OR51B5: variants seen among roughly 807,000 people sequenced by gnomAD.
OR51B5 encodes olfactory receptor family 51 subfamily B member 5.
For missense variants in OR51B5, 456 were observed against 374.6 expected (o/e 1.22, Z -1.79); for synonymous variants, 186 against 144.8 (o/e 1.28, Z -2.04).
intron 1 of OR51B5, among the ~76,000 whole-genome samples, chr11:5,450,446 A>G (rs1289901417): frequency 6.6e-6 from 1 of 152,220 alleles, no homozygotes; most frequent in African/African-American, 2.4e-5. Context: ...GTCTAAAAAA[A>G]GAAATAGATA....
At chr11:5,427,875 G>A (rs563088723) in intron 1 of OR51B5, among the ~76,000 whole-genome samples, 1 of 152,164 alleles carries the variant, frequency 6.6e-6, no homozygotes, top group African/African-American at 2.4e-5. Flanking sequence ...AAAGAATTAT[G>A]ATATGGTGAA....
chr11:5,409,678 T>C (rs1201411692), intron 1 of OR51B5, among the ~76,000 whole-genome samples: 1 of 152,164 alleles, frequency 6.6e-6, no homozygotes, highest in East Asian at 1.9e-4. Context: ...ATGTAGGACA[T>C]ATTTTAAAAA....
At chr11:5,440,811 T>C (rs1850671196) in intron 1 of OR51B5, 2 of 1,613,798 alleles carry the variant, frequency 1.2e-6, no homozygotes, top group East Asian at 2.2e-5. Context: ...CTTGAGCCGC[T>C]GTTCCTGGGA....
chr11:5,459,159 T>A (rs1851008427), intron 1 of OR51B5, among the ~76,000 whole-genome samples: 1 of 152,248 alleles, frequency 6.6e-6, no homozygotes, highest in African/African-American at 2.4e-5. Flanking sequence ...GTTTTTAGTA[T>A]AAAAGGATGC....
chr11:5,462,235 G>A (rs1179770863), intron 1 of OR51B5, among the ~76,000 whole-genome samples: 1 of 152,220 alleles, frequency 6.6e-6, no homozygotes, highest in Non-Finnish European at 1.5e-5. Flanking sequence ...ATAGTAGGAT[G>A]AAATTCTTGC....
intron 1 of OR51B5, among the ~76,000 whole-genome samples, chr11:5,348,576 A>G (rs140509746): frequency 1.0e-3 from 157 of 152,224 alleles, no homozygotes; most frequent in African/African-American, 3.5e-3. Flanking sequence ...CCTCTGGATC[A>G]GGGGTACAGA....
intron 1 of OR51B5, among the ~76,000 whole-genome samples, chr11:5,471,365 C>T (rs1851225477): frequency 6.6e-6 from 1 of 152,098 alleles, no homozygotes; most frequent in Admixed American, 6.5e-5. Flanking sequence ...AGGCCAGGTA[C>T]AGTGGCTCAT....
chr11:5,397,919 G>A (rs1849903866), intron 1 of OR51B5, among the ~76,000 whole-genome samples: 2 of 146,894 alleles, frequency 1.4e-5, no homozygotes, highest in African/African-American at 5.3e-5. Context: ...GATGAAGCTG[G>A]AAACCATCAT....
chr11:5,480,655 A>G (rs1851404019), intron 1 of OR51B5, among the ~76,000 whole-genome samples: 1 of 151,930 alleles, frequency 6.6e-6, no homozygotes. Context: ...AATAGATGCA[A>G]TAAAAAATGA....
intron 1 of OR51B5, chr11:5,440,818 G>A (rs769040808): frequency 6.2e-7 from 1 of 1,613,834 alleles, no homozygotes; most frequent in East Asian, 2.2e-5. Context: ...CGCTGTTCCT[G>A]GGATATGATG....
At chr11:5,381,787 GT>G (rs933351617) in intron 1 of OR51B5, among the ~76,000 whole-genome samples, 65 of 152,244 alleles carry the variant, frequency 4.3e-4, no homozygotes, top group African/African-American at 1.4e-3. Flanking sequence ...CTTTCATTTG[GT>G]TTTCAAATAA....
chr11:5,475,714 C>T (rs1339242803), intron 1 of OR51B5, among the ~76,000 whole-genome samples: 5 of 152,076 alleles, frequency 3.3e-5, no homozygotes, highest in African/African-American at 4.8e-5. Context: ...GACCATCTCT[C>T]CTATTCTTTA....
At chr11:5,372,626 T>C (rs1296501010) in intron 1 of OR51B5, among the ~76,000 whole-genome samples, 1 of 152,198 alleles carries the variant, frequency 6.6e-6, no homozygotes, top group African/African-American at 2.4e-5. Flanking sequence ...TTTTTCATAT[T>C]TAGTTGATTG....
intron 1 of OR51B5, among the ~76,000 whole-genome samples, chr11:5,496,999 G>C (rs1451972654): frequency 6.6e-6 from 1 of 151,252 alleles, no homozygotes; most frequent in African/African-American, 2.4e-5. Context: ...CAACCCCATG[G>C]GCTATCACAG....
intron 1 of OR51B5, among the ~76,000 whole-genome samples, chr11:5,427,661 A>G (rs762481363): frequency 6.6e-6 from 1 of 152,224 alleles, no homozygotes; most frequent in Non-Finnish European, 1.5e-5. Flanking sequence ...TTTGGAAATA[A>G]TTTTAACTTA....
intron 1 of OR51B5, among the ~76,000 whole-genome samples, chr11:5,476,655 C>A (rs1851310625): frequency 6.6e-6 from 1 of 152,130 alleles, no homozygotes; most frequent in Admixed American, 6.5e-5. Flanking sequence ...GTGATGTCAC[C>A]AACCCAAAAT....
chr11:5,401,900 CTTTT>C (rs1849975125), intron 1 of OR51B5, among the ~76,000 whole-genome samples: 2 of 140,866 alleles, frequency 1.4e-5, no homozygotes, highest in Admixed American at 7.1e-5. Context: ...TCCTTCCTTC[CTTTT>C]CTTTCTCTCT....
intron 1 of OR51B5, among the ~76,000 whole-genome samples, chr11:5,413,306 C>T (rs905654350): frequency 5.5e-4 from 84 of 152,014 alleles, no homozygotes; most frequent in Non-Finnish European, 1.0e-3. Context: ...CATCAAAGAC[C>T]AAAAGTAGAT....
chr11:5,419,051 C>G (rs1043579369), intron 1 of OR51B5, among the ~76,000 whole-genome samples: 7 of 152,052 alleles, frequency 4.6e-5, no homozygotes, highest in Admixed American at 4.6e-4. Context: ...AGTATGACAT[C>G]TGAGGACTTA....
Sources: gnomAD v4.1 joint callset for allele counts (sites outside exome capture counted in the v4.1 genomes callset) on GRCh38, gnomAD v4.1.1 for gene constraint, MANE v1.5 for transcripts, NCBI Gene and HGNC (gene_info 2026-07-23, HGNC 2026-07-21) for gene names.